The following KCNH5 variants were observed in gnomAD, a reference collection of about 807,000 sequenced individuals.
KCNH5 encodes voltage-gated delayed rectifier potassium channel KCNH5.
A neutral mutation model predicts 96.1 loss-of-function variants in KCNH5; 46 were observed. The observed-to-expected ratio is 0.48, with a 90% confidence interval of 0.38 to 0.61. The LOEUF is 0.61. Among genes scored for constraint, KCNH5 ranks in the 20% least tolerant of loss-of-function variants. The probability of loss-of-function intolerance (pLI) is 0.00; values close to 1 mark genes in which losing one functional copy is unlikely to be tolerated. For synonymous variants in KCNH5, 439 were observed against 449.8 expected (o/e 0.98, Z 0.30); for missense variants, 907 against 1,225.8 (o/e 0.74, Z 3.88).
intron 6 of KCNH5, among the ~76,000 whole-genome samples, chr14:62,966,735 A>G (rs574910525): frequency 6.6e-6 from 1 of 152,256 alleles, no homozygotes; most frequent in African/African-American, 2.4e-5. Flanking sequence ...ATGTCCTAAG[A>G]TTCTTTGAAT....
At chr14:62,761,156 A>G (rs1595610676) in intron 10 of KCNH5, among the ~76,000 whole-genome samples, 2 of 152,064 alleles carry the variant, frequency 1.3e-5, no homozygotes, top group South Asian at 4.2e-4. Context: ...GGAGTTCAAG[A>G]CCAGCCTGGC....
At chr14:62,976,914 G>T (rs1394297793) in intron 6 of KCNH5, among the ~76,000 whole-genome samples, 2 of 152,300 alleles carry the variant, frequency 1.3e-5, no homozygotes, top group East Asian at 1.9e-4. Flanking sequence ...GGGAGATTTA[G>T]ATAATTGTCA....
At chr14:62,841,736 T>C (rs1479614084) in intron 8 of KCNH5, among the ~76,000 whole-genome samples, 2 of 152,252 alleles carry the variant, frequency 1.3e-5, no homozygotes, top group Non-Finnish European at 2.9e-5. Flanking sequence ...TACCTCTTAT[T>C]ATTGCCTACC....
At chr14:62,715,426 T>C (rs1432591119) in intron 10 of KCNH5, among the ~76,000 whole-genome samples, 1 of 152,204 alleles carries the variant, frequency 6.6e-6, no homozygotes, top group Non-Finnish European at 1.5e-5. Flanking sequence ...TTCTTACTGC[T>C]TCCATCATCT....
intron 10 of KCNH5, among the ~76,000 whole-genome samples, chr14:62,733,208 C>A (rs983808600): frequency 6.6e-6 from 1 of 152,046 alleles, no homozygotes; most frequent in African/African-American, 2.4e-5. Flanking sequence ...GTGATATGAA[C>A]TGAATATGTC....
chr14:62,753,759 C>T (rs990143636), intron 10 of KCNH5, among the ~76,000 whole-genome samples: 2 of 152,126 alleles, frequency 1.3e-5, no homozygotes, highest in Non-Finnish European at 2.9e-5. Context: ...ATCCTTCAAA[C>T]ATACAGGAAA....
At chr14:62,830,787 G>A (rs1887330624) in intron 8 of KCNH5, among the ~76,000 whole-genome samples, 1 of 152,058 alleles carries the variant, frequency 6.6e-6, no homozygotes, top group Non-Finnish European at 1.5e-5. Flanking sequence ...GTCAAGGGAG[G>A]ATGCAAGGGA....
At chr14:62,995,755 G>A (rs373208689) in intron 4 of KCNH5, among the ~76,000 whole-genome samples, 180 of 152,090 alleles carry the variant, frequency 1.2e-3, no homozygotes, top group African/African-American at 4.2e-3. Flanking sequence ...TGTGATTCCT[G>A]TTTTTACTGA....
intron 10 of KCNH5, among the ~76,000 whole-genome samples, chr14:62,744,716 G>A (rs1167943067): frequency 6.6e-6 from 1 of 152,146 alleles, no homozygotes; most frequent in Non-Finnish European, 1.5e-5. Flanking sequence ...CTCAGCACCT[G>A]ACACCACATT....
chr14:62,749,260 A>C (rs1885444911), intron 10 of KCNH5, among the ~76,000 whole-genome samples: 1 of 152,214 alleles, frequency 6.6e-6, no homozygotes. Flanking sequence ...TCTTCTGAAC[A>C]GGAGTCGAAG....
chr14:62,862,429 T>C (rs1484798274), intron 7 of KCNH5, among the ~76,000 whole-genome samples: 2 of 152,182 alleles, frequency 1.3e-5, no homozygotes. Context: ...AAATCTTTGT[T>C]CATACAGTTC....
chr14:62,731,490 T>C (rs1212066082), intron 10 of KCNH5, among the ~76,000 whole-genome samples: 1 of 152,142 alleles, frequency 6.6e-6, no homozygotes, highest in Admixed American at 6.5e-5. Context: ...AAACTGTTGA[T>C]GGTTTACACC....
rs1445149671 is a variant in KCNH5 at position 62,707,987 on chromosome 14, T to C, written c.2488A>G (p.Asn830Asp). The C allele has an allele frequency of 3.7e-6, 6 of 1,614,098 alleles. No homozygotes were observed. The highest frequency in any genetic ancestry group is 5.1e-6 in the Non-Finnish European group (6 of 1,180,038). Reference sequence around the variant, plus strand: ...CCCATTGACTCAGCTTTAGTGACATTATTCCAGTCTTCCTTTTTCTCCTCA... The same window carrying C: ...CCCATTGACTCAGCTTTAGTGACATCATTCCAGTCTTCCTTTTTCTCCTCA... ...AHEEKKEDWN[N>D]VTKAESMGLL... The change falls in exon 11 of 11, where the codon AAT (asparagine) becomes GAT (aspartate). Residue 830 changes from asparagine (N) to aspartate (D), a missense_variant. Asn to Asp is a conservative substitution (Grantham distance 23, BLOSUM62 1). This residue lies in a region of KCNH5 where 362 missense variants were observed against 394.4 expected (regional missense o/e 0.92). Transcript: ENST00000322893.
intron 7 of KCNH5, among the ~76,000 whole-genome samples, chr14:62,862,750 T>C (rs1183067892): frequency 6.6e-6 from 1 of 152,166 alleles, no homozygotes; most frequent in South Asian, 2.1e-4. Flanking sequence ...CGAAGTCTAG[T>C]TATTCTTGTA....
intron 10 of KCNH5, among the ~76,000 whole-genome samples, chr14:62,723,297 CA>C (rs1884855251): frequency 6.6e-6 from 1 of 151,982 alleles, no homozygotes; most frequent in Non-Finnish European, 1.5e-5. Context: ...TTCACTGTTA[CA>C]AAAAACAGGC....
intron 7 of KCNH5, among the ~76,000 whole-genome samples, chr14:62,926,804 G>A (rs934261082): frequency 5.3e-5 from 8 of 152,022 alleles, no homozygotes; most frequent in South Asian, 2.1e-4. Flanking sequence ...GTCACATGAA[G>A]GGTTGGGATT....
intron 10 of KCNH5, among the ~76,000 whole-genome samples, chr14:62,765,909 C>G (rs1885849963): frequency 6.6e-6 from 1 of 152,056 alleles, no homozygotes; most frequent in Non-Finnish European, 1.5e-5. Flanking sequence ...AGAGATAACT[C>G]ACAGAATGGG....
intron 8 of KCNH5, among the ~76,000 whole-genome samples, chr14:62,846,841 C>T (rs1328073926): frequency 8.3e-6 from 1 of 120,372 alleles, no homozygotes; most frequent in Non-Finnish European, 1.6e-5. Context: ...GGCTCTGCGG[C>T]CCAGGCTGGA....
At chr14:62,968,495 G>A (rs1039452973) in intron 6 of KCNH5, among the ~76,000 whole-genome samples, 1 of 152,146 alleles carries the variant, frequency 6.6e-6, no homozygotes, top group Non-Finnish European at 1.5e-5. Flanking sequence ...TCATCTGACT[G>A]GAGGATTATT....
Sources: gnomAD v4.1 joint callset for allele counts (sites outside exome capture counted in the v4.1 genomes callset) on GRCh38, gnomAD v4.1.1 for gene constraint, gnomAD v4.1.1 regional missense constraint, MANE v1.5 for transcripts, NCBI Gene and HGNC (gene_info 2026-07-23, HGNC 2026-07-21) for gene names.